PARD3: variants seen among roughly 807,000 people sequenced by gnomAD.
PARD3 encodes the protein partitioning defective 3 homolog.
In PARD3, 75 loss-of-function variants were observed where a neutral mutation model predicts 155.4. The observed-to-expected ratio is 0.48, with a 90% confidence interval of 0.40 to 0.58. PARD3 has a LOEUF of 0.58. Among genes scored for constraint, PARD3 ranks in the 20% least tolerant of loss-of-function variants. The probability of loss-of-function intolerance (pLI) is 0.00; values close to 1 mark genes in which losing one functional copy is unlikely to be tolerated. For missense variants in PARD3, 1,642 were observed against 1,721.7 expected (o/e 0.95, Z 0.82); for synonymous variants, 576 against 610.5 (o/e 0.94, Z 0.83).
chr10:34,598,558 AGTGAAT>A (rs1590168452), intron 2 of PARD3, among the ~76,000 whole-genome samples: 1 of 152,356 alleles, frequency 6.6e-6, no homozygotes, highest in East Asian at 1.9e-4. Flanking sequence ...TCGAGGGAAG[AGTGAAT>A]GTCTGTAAAC....
At chr10:34,520,094 G>A (rs757208239) in intron 2 of PARD3, among the ~76,000 whole-genome samples, 17 of 151,996 alleles carry the variant, frequency 1.1e-4, no homozygotes, top group Non-Finnish European at 2.1e-4. Context: ...ACAGAAACGC[G>A]AATGTACAGA....
intron 24 of PARD3, 52 bp from the exon 25 acceptor site, chr10:34,111,614 G>A (rs1946386379): frequency 1.4e-6 from 2 of 1,428,450 alleles, no homozygotes; most frequent in South Asian, 2.6e-5. Context: ...AGGAGGGAGA[G>A]GGAGGAAAGG....
chr10:34,171,726 G>C (rs940183479), intron 22 of PARD3, among the ~76,000 whole-genome samples: 11 of 151,812 alleles, frequency 7.2e-5, no homozygotes, highest in African/African-American at 2.7e-4. Context: ...AGGCAGGGTG[G>C]ATCACCTGAG....
intron 1 of PARD3, among the ~76,000 whole-genome samples, chr10:34,741,587 C>T (rs1477232629): frequency 6.6e-6 from 1 of 152,188 alleles, no homozygotes; most frequent in Admixed American, 6.5e-5. Flanking sequence ...GAAGCGACAG[C>T]CCCTGTGCAG....
At chr10:34,608,137 T>C (rs1302272051) in intron 2 of PARD3, among the ~76,000 whole-genome samples, 1 of 152,202 alleles carries the variant, frequency 6.6e-6, no homozygotes, top group African/African-American at 2.4e-5. Flanking sequence ...CTCTCAATGC[T>C]GCACGGTCCC....
chr10:34,381,219 C>T (rs534158255), intron 9 of PARD3, among the ~76,000 whole-genome samples: 20 of 152,192 alleles, frequency 1.3e-4, no homozygotes, highest in Admixed American at 7.8e-4. Context: ...TCTGAATATC[C>T]GGATATGGAA....
At position 34,243,590 on chromosome 10, in the gene PARD3, C is replaced by T. The variant is rs1438362970; in HGVS notation, c.3419+26067G>A. ...CGGTTGCTCATGCCTGTAATCCCAG[C>T]ACTTTGGGAGGCCAAGGTGGATGGA... On this transcript the variant is annotated intron_variant, in intron 22 of 24. Transcript: ENST00000374788. 2.0e-5 allele frequency among the ~76,000 whole-genome samples: 3 copies of T among 152,158 alleles called. No individual in the cohort carries two copies. The East Asian group carries it at 5.8e-4, about 29-fold the overall frequency.
At chr10:34,738,331 G>T (rs945049599) in intron 1 of PARD3, among the ~76,000 whole-genome samples, 4 of 152,212 alleles carry the variant, frequency 2.6e-5, no homozygotes, top group Non-Finnish European at 5.9e-5. Context: ...CAGACAGGAA[G>T]AATCCCATTT....
At chr10:34,656,727 C>A (rs1393381170) in intron 2 of PARD3, among the ~76,000 whole-genome samples, 2 of 152,146 alleles carry the variant, frequency 1.3e-5, no homozygotes, top group African/African-American at 2.4e-5. Context: ...TAATTATGTA[C>A]ATGCTGGGAA....
chr10:34,176,374 G>A (rs1346074172), intron 22 of PARD3, among the ~76,000 whole-genome samples: 5 of 152,134 alleles, frequency 3.3e-5, no homozygotes, highest in East Asian at 1.9e-4. Flanking sequence ...TAAATAAAAC[G>A]GGGACAGGGC....
intron 1 of PARD3, among the ~76,000 whole-genome samples, chr10:34,701,366 TTG>T (rs1342301204): frequency 6.6e-6 from 1 of 151,812 alleles, no homozygotes; most frequent in East Asian, 1.9e-4. Context: ...GTTGTTGTTG[TTG>T]TTGTTGTTTC....
Position 34,248,200 on chromosome 10 carries a change from C to G in PARD3, c.3419+21457G>C, listed in dbSNP as rs1954081303. The stretch of plus-strand genomic sequence containing the variant: ...GCTAACAACTTTCATGGTTCACTGG[C>G]AGAGAAAAGAAGGCTTATTAGCTTG... On this transcript the variant is annotated intron_variant, in intron 22 of 24. Transcript: ENST00000374788. 2.0e-5 allele frequency among the ~76,000 whole-genome samples: 3 copies of G among 152,102 alleles called. No homozygotes were observed. The South Asian group carries it at 6.2e-4, about 32-fold the overall frequency.
chr10:34,659,712 G>A (rs1376894923), intron 2 of PARD3, among the ~76,000 whole-genome samples: 1 of 152,056 alleles, frequency 6.6e-6, no homozygotes, highest in Non-Finnish European at 1.5e-5. Flanking sequence ...AAGCCACCAA[G>A]CTCCACTCAG....
intron 3 of PARD3, among the ~76,000 whole-genome samples, chr10:34,476,669 TACCCCCAACCAGTGATC>T (rs2078726051): frequency 1.3e-5 from 2 of 152,160 alleles, no homozygotes; most frequent in Admixed American, 1.3e-4. Context: ...TATGTTCATA[TACCCCCAACCAGTGATC>T]ATCCACCAAA....
chr10:34,366,677 A>T (rs1395091747), intron 12 of PARD3, among the ~76,000 whole-genome samples: 2 of 152,228 alleles, frequency 1.3e-5, no homozygotes, highest in Non-Finnish European at 2.9e-5. Flanking sequence ...TATCTGAGAC[A>T]ATATGAACAA....
intron 2 of PARD3, among the ~76,000 whole-genome samples, chr10:34,581,229 C>CTTTTTTTTT (rs1564376327): frequency 3.2e-5 from 3 of 95,148 alleles, no homozygotes; most frequent in African/African-American, 1.4e-4. Context: ...TTTTCTTTTT[C>CTTTTTTTTT]TTTTCTTTTT....
chr10:34,410,475 A>T (rs1844936948), intron 5 of PARD3, among the ~76,000 whole-genome samples: 1 of 152,198 alleles, frequency 6.6e-6, no homozygotes, highest in African/African-American at 2.4e-5. Flanking sequence ...CTTCAACTCC[A>T]GTAACTGACA....
intron 7 of PARD3, among the ~76,000 whole-genome samples, chr10:34,388,896 TAAGAG>T (rs1287030131): frequency 4.6e-5 from 7 of 152,250 alleles, no homozygotes; most frequent in Admixed American, 4.6e-4. Flanking sequence ...ACAAAAGACA[TAAGAG>T]AAAAGAGTTG....
intron 2 of PARD3, among the ~76,000 whole-genome samples, chr10:34,531,335 T>C (rs367567305): frequency 1.3e-5 from 2 of 152,242 alleles, no homozygotes; most frequent in African/African-American, 4.8e-5. Flanking sequence ...AAGTTATTAA[T>C]ACTTCTGTTA....
Sources: gnomAD v4.1 joint callset for allele counts (sites outside exome capture counted in the v4.1 genomes callset) on GRCh38, gnomAD v4.1.1 for gene constraint, MANE v1.5 for transcripts, NCBI Gene and HGNC (gene_info 2026-07-23, HGNC 2026-07-21) for gene names.